Variants in ZNF462 observed in about 807,000 individuals in gnomAD.
The protein encoded by ZNF462 is zinc finger protein 462, also known as zinc finger PBX1-interacting protein.
In ZNF462, 10 loss-of-function variants were observed where a neutral mutation model predicts 201.9. The observed-to-expected ratio is 0.05, with a 90% CI of 0.03 to 0.08. The LOEUF (loss-of-function observed/expected upper bound fraction) is 0.08, where lower values mean the gene tolerates loss of function less well. Ranked by LOEUF, ZNF462 falls within the 10% of genes least tolerant of loss-of-function variation. ZNF462 has a pLI of 1.00. For missense variants in ZNF462, 2,523 were observed against 3,168.3 expected, an observed-to-expected ratio of 0.80 and a Z score of 4.89; for synonymous variants, 1,227 against 1,193.3, an observed-to-expected ratio of 1.03 and a Z score of -0.58.
At chr9:106,871,497 G>A (rs1322433036) in intron 1 of ZNF462, among the ~76,000 whole-genome samples, 1 of 152,214 alleles carries the variant, frequency 6.6e-6, no homozygotes, top group African/African-American at 2.4e-5. Flanking sequence ...TCTGTCCACT[G>A]GGGAAGATCC....
At chr9:107,007,596 A>G (rs1419243513) in intron 11 of ZNF462, among the ~76,000 whole-genome samples, 1 of 152,202 alleles carries the variant, frequency 6.6e-6, no homozygotes, top group African/African-American at 2.4e-5. Context: ...CCGATCCTTG[A>G]AAGAGCAGCC....
Position 106,924,606 on chromosome 9 carries a change from A to G in ZNF462, c.694A>G (p.Met232Val), listed in dbSNP as rs1172957620. Residue 232 changes from methionine (M) to valine (V), a missense_variant, in exon 3 of 13, where the codon ATG becomes GTG. By Grantham distance (21) the Met-to-Val change is conservative. This residue lies in a region of ZNF462 where 480 missense variants were observed against 544.4 expected (regional missense o/e 0.88). Coordinates refer to ENST00000277225, the MANE Select transcript of ZNF462 (RefSeq NM_021224.6). The surrounding 1 kb of genome is among the most constrained non-coding windows in gnomAD (Gnocchi z 6.2). ...EVVERSILES[M>V]VKPLTKSRGN... is the part of the protein sequence containing the mutation. ...TGTGGAGCGCAGCATCTTAGAGTCT[A>G]TGGTCAAGCCTTTGACCAAATCTCG... 7 of 1,614,172 alleles carry G rather than the reference A, an allele frequency of 4.3e-6. No homozygotes were observed. Among genetic ancestry groups the G allele is most frequent in the East Asian group, 4.5e-5 (2 of 44,876 alleles).
chr9:106,929,669 G>A lies in ZNF462; in HGVS notation c.5757G>A (p.Gln1919=). The A allele has an allele frequency of 5.0e-6, 8 of 1,614,204 alleles. No homozygotes were observed. Among genetic ancestry groups the A allele is most frequent in the Non-Finnish European group, 6.8e-6 (8 of 1,180,032 alleles). Residue 1919 remains glutamine (Q), a synonymous_variant, in exon 3 of 13, where the codon CAG becomes CAA. Transcript: ENST00000277225. The surrounding 1 kb of genome is among the most constrained non-coding windows in gnomAD (Gnocchi z 8.7). The part of the protein sequence containing the change: ...SHLNIHNEEF[Q]KRAKRQERRK... ...TGAACATTCACAATGAGGAATTCCA[G>A]AAGCGTGCCAAACGTCAGGAGAGGA...
At chr9:106,979,215 T>C in intron 9 of ZNF462, 1 of 155,178 alleles carries the variant, frequency 6.4e-6, no homozygotes, top group Non-Finnish European at 1.4e-5. Context: ...GCTGGCAGCT[T>C]TCTTCTCAAT....
intron 10 of ZNF462, among the ~76,000 whole-genome samples, chr9:106,994,845 C>G (rs1159158988): frequency 6.6e-6 from 1 of 152,116 alleles, no homozygotes; most frequent in Non-Finnish European, 1.5e-5. Context: ...ATTCTTTGTC[C>G]CAGATTCAAA....
intron 7 of ZNF462, among the ~76,000 whole-genome samples, chr9:106,939,869 A>G (rs1217556300): frequency 6.6e-6 from 1 of 152,244 alleles, no homozygotes; most frequent in Non-Finnish European, 1.5e-5. Context: ...TGATTGCAGA[A>G]TCAGCTGCTT....
At chr9:106,861,770 C>T (rs1440149135), upstream of ZNF462, among the ~76,000 whole-genome samples, 1 of 152,106 alleles carries the variant, frequency 6.6e-6, no homozygotes, top group Non-Finnish European at 1.5e-5. Context: ...CACTCCTTTG[C>T]AAAAGAGATA....
intron 1 of ZNF462, among the ~76,000 whole-genome samples, chr9:106,867,605 C>T (rs1396505767): frequency 6.6e-6 from 1 of 151,188 alleles, no homozygotes; most frequent in African/African-American, 2.4e-5. Flanking sequence ...ATCTGCTCTT[C>T]CTAATGAATC....
Position 106,925,968 on chromosome 9 carries a change from G to C in ZNF462, c.2056G>C (p.Asp686His). Reference protein sequence around the residue: ...SRKLANDFPLDLSPVKKRTRI... With the variant: ...SRKLANDFPLHLSPVKKRTRI... ...GAAGCTCGCCAATGACTTTCCTCTA[G>C]ATTTGTCACCCGTGAAGAAGAGAAC... is the stretch of plus-strand genomic sequence containing the variant. Residue 686 changes from aspartate (D) to histidine (H), a missense_variant, in exon 3 of 13, where the codon GAT becomes CAT. This residue lies in a region of ZNF462 where 383 missense variants were observed against 453.4 expected (regional missense o/e 0.84). Transcript: ENST00000277225. This position sits in a 1 kb window ranked among gnomAD's most constrained non-coding sequence, Gnocchi z 7.9. 2 of 1,614,156 alleles carry C rather than the reference G, an allele frequency of 1.2e-6. No homozygotes were observed. The highest frequency in any genetic ancestry group is 1.7e-6 in the Non-Finnish European group (2 of 1,180,044).
chr9:106,876,092 A>G lies in ZNF462; in HGVS notation c.-31+12737A>G, dbSNP rs993722876. 6.6e-6 allele frequency among the ~76,000 whole-genome samples: 1 copy of G among 152,160 alleles called. No homozygotes were observed. Among genetic ancestry groups the G allele is most frequent in the African/African-American group, 2.4e-5 (1 of 41,420 alleles). ...GGTCTCTGTTAAGAAAGTGATGTGT[A>G]GTAGGTGGAATATACTCTTTGGGGC... On this transcript the variant is annotated intron_variant, in intron 1 of 12. Transcript: ENST00000277225. This position sits in a 1 kb window ranked among gnomAD's most constrained non-coding sequence, Gnocchi z 4.9.
At chr9:106,987,186 G>A (rs1265127029) in intron 10 of ZNF462, among the ~76,000 whole-genome samples, 2 of 152,154 alleles carry the variant, frequency 1.3e-5, no homozygotes, top group Non-Finnish European at 2.9e-5. Context: ...CCCAGTAGTG[G>A]AATTGGTGGA....
At chr9:106,991,597 A>G (rs1199418600) in intron 10 of ZNF462, among the ~76,000 whole-genome samples, 1 of 151,946 alleles carries the variant, frequency 6.6e-6, no homozygotes, top group Non-Finnish European at 1.5e-5. Flanking sequence ...GTGTGGAGAA[A>G]CAACAAAATC....
chr9:107,008,708 C>CA lies in ZNF462; in HGVS notation c.7190-836dup, dbSNP rs1184580236. ...TTTGCCAGGAGACGTGGCCTGAAAACAGTTAAACAGCCAATCCACATTTAT... is the reference window on the plus strand; with the variant it reads ...TTTGCCAGGAGACGTGGCCTGAAAACAAGTTAAACAGCCAATCCACATTTAT... On this transcript the variant is annotated intron_variant, in intron 11 of 12. Transcript: ENST00000277225. The surrounding 1 kb of genome is among the most constrained non-coding windows in gnomAD (Gnocchi z 4.8). Among the ~76,000 whole-genome samples the CA allele has an allele frequency of 1.3e-5, 2 of 152,170 alleles. No individual in the cohort carries two copies. The highest frequency in any genetic ancestry group is 4.8e-5 in the African/African-American group (2 of 41,440).
intron 1 of ZNF462, among the ~76,000 whole-genome samples, chr9:106,867,194 A>T (rs1827372652): frequency 6.6e-6 from 1 of 152,220 alleles, no homozygotes; most frequent in Non-Finnish European, 1.5e-5. Context: ...ATATTTAAGG[A>T]CATGGTTTTT....
At chr9:106,882,037 C>T (rs991990076) in intron 1 of ZNF462, among the ~76,000 whole-genome samples, 2 of 152,202 alleles carry the variant, frequency 1.3e-5, no homozygotes, top group Admixed American at 1.3e-4. Flanking sequence ...TAATGTCTTA[C>T]AAGCCTTTTT....
chr9:107,004,961 A>G lies in ZNF462; in HGVS notation c.7189+1535A>G, dbSNP rs991237462. On this transcript the variant is annotated intron_variant, in intron 11 of 12. Transcript: ENST00000277225. The stretch of plus-strand genomic sequence containing the variant: ...CCCCACATAAGTGAGATCATGCAGT[A>G]TTTGTGCCTGCCTCTGTGTGCCTGT... Among the ~76,000 whole-genome samples, 4 of 152,046 alleles carry G rather than the reference A, an allele frequency of 2.6e-5. No homozygotes were observed. The East Asian group carries it at 5.8e-4, about 22-fold the overall frequency.
At chr9:106,941,698 G>T (rs144232059) in intron 7 of ZNF462, among the ~76,000 whole-genome samples, 103 of 152,330 alleles carry the variant, frequency 6.8e-4, no homozygotes, top group African/African-American at 2.4e-3. Flanking sequence ...TAAACAAAAA[G>T]AAGGCTATTC....
rs1444050673 is a variant in ZNF462, at chr9:106,984,570, G to T, written c.7056+161G>T. 1.3e-5 allele frequency among the ~76,000 whole-genome samples: 2 copies of T among 152,132 alleles called. No individual in the cohort carries two copies. The highest frequency in any genetic ancestry group is 1.5e-5 in the Non-Finnish European group (1 of 68,042). ...TAGTTTCTTCTATTAGAAACGTAAGGTCATTTTTAAAAATTGCGAAACACA... is the reference window on the plus strand; with the variant it reads ...TAGTTTCTTCTATTAGAAACGTAAGTTCATTTTTAAAAATTGCGAAACACA... On this transcript the variant is annotated intron_variant, in intron 10 of 12. Coordinates refer to ENST00000277225, the MANE Select transcript of ZNF462 (RefSeq NM_021224.6). This position sits in a 1 kb window ranked among gnomAD's most constrained non-coding sequence, Gnocchi z 6.4.
rs1554693062 is a variant in ZNF462, at chr9:106,876,741, T to C, written c.-31+13386T>C. On this transcript the variant is annotated intron_variant, in intron 1 of 12. Transcript: ENST00000277225. The surrounding 1 kb of genome is among the most constrained non-coding windows in gnomAD (Gnocchi z 4.9). ...TTAATAAACATGAAGTTTTCTGAGCTTTTCAGAAGAAAGATGTTATTACTG... is the reference window on the plus strand; with the variant it reads ...TTAATAAACATGAAGTTTTCTGAGCCTTTCAGAAGAAAGATGTTATTACTG... 6.6e-6 allele frequency among the ~76,000 whole-genome samples: 1 copy of C among 152,224 alleles called. No homozygotes were observed. Among genetic ancestry groups the C allele is most frequent in the Non-Finnish European group, 1.5e-5 (1 of 68,042 alleles).
Sources: gnomAD v4.1 joint callset for allele counts (sites outside exome capture counted in the v4.1 genomes callset) on GRCh38, gnomAD v4.1.1 for gene constraint, gnomAD v4.1.1 regional missense constraint, Gnocchi (gnomAD v3.1) non-coding constraint, MANE v1.5 for transcripts, NCBI Gene and HGNC (gene_info 2026-07-23, HGNC 2026-07-21) for gene names.